The following TENM4 variants were observed in gnomAD, a reference collection of about 807,000 sequenced individuals.
The protein encoded by TENM4 is teneurin transmembrane protein 4, also known as teneurin-4.
In TENM4, 82 loss-of-function variants were observed where a neutral mutation model predicts 243.3. The ratio of observed to expected loss-of-function variants is 0.34; its 90% CI spans 0.28 to 0.40. TENM4 has a LOEUF of 0.40. Ranked by LOEUF, TENM4 falls within the 10% of genes least tolerant of loss-of-function variation. The probability of loss-of-function intolerance (pLI) is 1.00; values close to 1 mark genes in which losing one functional copy is unlikely to be tolerated. For synonymous variants in TENM4, 1,412 were observed against 1,456.3 expected (o/e 0.97, Z 0.69); for missense variants, 3,138 against 3,673.3 (o/e 0.85, Z 3.77).
intron 2 of TENM4, among the ~76,000 whole-genome samples, chr11:79,236,151 C>T (rs1864467084): frequency 6.6e-6 from 1 of 152,082 alleles, no homozygotes; most frequent in Non-Finnish European, 1.5e-5. Flanking sequence ...CCTCCATTAC[C>T]TGATACCGTA....
intron 1 of TENM4, among the ~76,000 whole-genome samples, chr11:79,344,854 T>C (rs1013151110): frequency 1.3e-5 from 2 of 152,220 alleles, no homozygotes; most frequent in Admixed American, 1.3e-4. Context: ...ATTCATCTTA[T>C]TTACCATCTA....
chr11:78,664,099 A>C (rs1858094035), intron 32 of TENM4, among the ~76,000 whole-genome samples: 1 of 152,236 alleles, frequency 6.6e-6, no homozygotes, highest in Non-Finnish European at 1.5e-5. Context: ...GTGAACTCCG[A>C]CAGTTTACTT....
Position 78,676,192 on chromosome 11 carries a change from T to A in TENM4, c.5456A>T (p.Gln1819Leu). The A allele has an allele frequency of 6.4e-7, 1 of 1,562,124 alleles. No individual in the cohort carries two copies. The change falls in exon 30 of 34, where the codon CAG becomes CTG. Residue 1819 changes from glutamine (Q) to leucine (L), a missense_variant. This residue lies in a region of TENM4 where 2,467 missense variants were observed against 3,059.1 expected (regional missense o/e 0.81). Coordinates refer to ENST00000278550, the MANE Select transcript of TENM4 (RefSeq NM_001098816.3). ...AAAGACAGTGACCTGGCCCCGAGCCTGCTCTTTGCGCTGGCGCCACTCCAC... is the reference window on the plus strand; with the variant it reads ...AAAGACAGTGACCTGGCCCCGAGCCAGCTCTTTGCGCTGGCGCCACTCCAC... ...NLVEWRQRKE[Q>L]ARGQVTVFGR...
chr11:79,061,222 T>C, intron 6 of TENM4, among the ~76,000 whole-genome samples: 1 of 152,216 alleles, frequency 6.6e-6, no homozygotes, highest in East Asian at 1.9e-4. Flanking sequence ...CCATGATTGC[T>C]GTCATTATTT....
intron 3 of TENM4, among the ~76,000 whole-genome samples, chr11:79,192,091 T>TG (rs1324316428): frequency 0.051 from 5,315 of 103,438 alleles, 253 homozygotes; most frequent in African/African-American, 0.13. Context: ...GGGAGGGAGG[T>TG]GGGGGGGGGT....
chr11:79,320,574 C>A (rs116204199), intron 1 of TENM4, among the ~76,000 whole-genome samples: 2,963 of 152,202 alleles, frequency 0.019, 107 homozygotes, highest in African/African-American at 0.067. Flanking sequence ...AGAAGCTTGT[C>A]CAATGTTACA....
intron 2 of TENM4, among the ~76,000 whole-genome samples, chr11:79,233,515 T>C (rs1290877189): frequency 6.6e-6 from 1 of 152,140 alleles, no homozygotes; most frequent in Non-Finnish European, 1.5e-5. Flanking sequence ...TGGTAAGTGA[T>C]GGCACAGAAA....
intron 17 of TENM4, among the ~76,000 whole-genome samples, chr11:78,772,171 T>C (rs1400450658): frequency 6.6e-6 from 1 of 152,108 alleles, no homozygotes; most frequent in African/African-American, 2.4e-5. Context: ...TATTATAAAG[T>C]GGGGAAGTTT....
In TENM4 at chr11:78,913,626, T is replaced by A. The variant is rs1000108534; in HGVS notation, c.494-10103A>T. 1.4e-4 allele frequency among the ~76,000 whole-genome samples: 19 copies of A among 133,048 alleles called. 1 individual carries two copies. In the South Asian group the frequency reaches 3.4e-3, roughly 24 times the overall value. The allele number at this position is 133,048 out of a possible 152,430, so 87.3% of individuals were successfully genotyped here. ...GTGTGTGTGTGTGTGTGTGTGTGTGTGTGAGTGTCGGGGGTGGAATTCAGC... is the reference window on the plus strand; with the variant it reads ...GTGTGTGTGTGTGTGTGTGTGTGTGAGTGAGTGTCGGGGGTGGAATTCAGC... On this transcript the variant is annotated intron_variant, in intron 6 of 33. Coordinates refer to ENST00000278550, the MANE Select transcript of TENM4 (RefSeq NM_001098816.3).
At chr11:78,787,964 C>T (rs768676247) in intron 15 of TENM4, among the ~76,000 whole-genome samples, 12 of 152,230 alleles carry the variant, frequency 7.9e-5, no homozygotes, top group Non-Finnish European at 1.5e-4. Flanking sequence ...CTTTAGGAAA[C>T]AGGTTGAGCA....
At chr11:78,890,607 A>G (rs1855641320) in intron 8 of TENM4, among the ~76,000 whole-genome samples, 1 of 152,212 alleles carries the variant, frequency 6.6e-6, no homozygotes, top group Non-Finnish European at 1.5e-5. Flanking sequence ...CACACAGCCA[A>G]TGGCAGCAAA....
At chr11:79,285,092 G>C (rs1294711603) in intron 2 of TENM4, among the ~76,000 whole-genome samples, 1 of 152,066 alleles carries the variant, frequency 6.6e-6, no homozygotes, top group Non-Finnish European at 1.5e-5. Flanking sequence ...ACAAAAATTA[G>C]CTGGGCATGG....
Position 78,657,637 on chromosome 11 carries a change from C to A in TENM4, c.*421G>T. 2.8e-6 allele frequency: 1 copy of A among 354,636 alleles called. No homozygotes were observed. Among genetic ancestry groups the A allele is most frequent in the South Asian group, 2.7e-5 (1 of 37,582 alleles). The allele number at this position is 354,636 out of a possible 1,614,324, so 22.0% of individuals were successfully genotyped here. On this transcript the variant is annotated 3_prime_UTR_variant, in exon 34 of 34. Coordinates refer to ENST00000278550, the MANE Select transcript of TENM4 (RefSeq NM_001098816.3). ...ATCACTCCCTTTACTCCTGCCCGACCCCAGTCGAAGAAGAAAGGGTTGCAC... is the reference window on the plus strand; with the variant it reads ...ATCACTCCCTTTACTCCTGCCCGACACCAGTCGAAGAAGAAAGGGTTGCAC...
intron 32 of TENM4, among the ~76,000 whole-genome samples, chr11:78,667,637 T>G (rs79383141): frequency 6.6e-6 from 1 of 152,136 alleles, no homozygotes; most frequent in Non-Finnish European, 1.5e-5. Context: ...CCTCCCCTCT[T>G]GACAGCAGTT....
chr11:78,702,551 C>T (rs1050658480), intron 27 of TENM4, 148 bp from the exon 28 acceptor site: 29 of 963,610 alleles, frequency 3.0e-5, no homozygotes, highest in African/African-American at 9.8e-5. Flanking sequence ...AACAATGAAG[C>T]GTCAGCCCCC....
chr11:78,704,159 C>CTATATATATA (rs56026926), intron 27 of TENM4, among the ~76,000 whole-genome samples: 1,352 of 105,820 alleles, frequency 0.013, 24 homozygotes, highest in African/African-American at 0.027. Flanking sequence ...GTATGTGTGT[C>CTATATATATA]TATATATATA....
intron 4 of TENM4, among the ~76,000 whole-genome samples, chr11:79,073,549 T>C (rs1272922638): frequency 1.3e-5 from 2 of 152,222 alleles, no homozygotes; most frequent in Non-Finnish European, 2.9e-5. Flanking sequence ...ATATTAGTAG[T>C]TCACTACCAA....
intron 4 of TENM4, among the ~76,000 whole-genome samples, chr11:79,084,819 GATAAA>G (rs1020078550): frequency 2.0e-5 from 3 of 152,074 alleles, no homozygotes; most frequent in African/African-American, 7.2e-5. Context: ...CTACACATGT[GATAAA>G]ATAGTATAGA....
intron 4 of TENM4, among the ~76,000 whole-genome samples, chr11:79,141,045 A>G (rs867028548): frequency 2.0e-5 from 3 of 152,158 alleles, no homozygotes; most frequent in African/African-American, 7.2e-5. Context: ...ATTAATGTGA[A>G]TATACCATTC....
Sources: allele counts gnomAD v4.1 joint callset (sites outside exome capture counted in the v4.1 genomes callset), GRCh38; gene constraint gnomAD v4.1.1; regional missense constraint gnomAD v4.1.1; transcripts MANE v1.5; gene names NCBI Gene and HGNC (gene_info 2026-07-23, HGNC 2026-07-21).